DNAH14: variants seen among roughly 807,000 people sequenced by gnomAD.
The protein encoded by DNAH14 is axonemal beta dynein heavy chain 14.
A neutral mutation model predicts 520.9 loss-of-function variants in DNAH14; 478 were observed. That is an observed-to-expected ratio of 0.92 (90% CI 0.85 to 0.99). DNAH14 has a LOEUF of 0.99. Among genes scored for constraint, DNAH14 ranks in the 50% least tolerant of loss-of-function variants. The pLI is 0.00. For synonymous variants in DNAH14, 1,581 were observed against 1,757.2 expected (o/e 0.90, Z 2.51); for missense variants, 4,831 against 5,234.5 (o/e 0.92, Z 2.38).
In DNAH14 at chr1:225,346,124, A is replaced by G. The variant is rs1416451343; in HGVS notation, c.10841A>G (p.Tyr3614Cys). Residue 3614 changes from tyrosine to cysteine, a missense_variant, in exon 70 of 86, where the codon TAC becomes TGC. Tyr to Cys is a radical substitution (Grantham distance 194). Coordinates refer to ENST00000682510, the MANE Select transcript of DNAH14 (RefSeq NM_001367479.1). ...ATTGCGACCCGAGGCGCCCTGCTCT[A>G]CTTCCTAGTAGCTGATCTCACACAA... ...LPIATRGALLYFLVADLTQIN... is the reference protein window; with the variant it reads ...LPIATRGALLCFLVADLTQIN... The G allele has an allele frequency of 2.6e-6, 4 of 1,551,602 alleles. No homozygotes were observed. The African/African-American group carries it at 4.1e-5, about 16-fold the overall frequency.
chr1:225,289,177 A>G (rs1425745664), intron 54 of DNAH14, among the ~76,000 whole-genome samples: 2 of 152,190 alleles, frequency 1.3e-5, no homozygotes, highest in Non-Finnish European at 2.9e-5. Context: ...TATGCTAAGT[A>G]AAATAAATCA....
intron 12 of DNAH14, among the ~76,000 whole-genome samples, chr1:225,042,538 T>C (rs932900033): frequency 6.6e-6 from 1 of 152,154 alleles, no homozygotes; most frequent in African/African-American, 2.4e-5. Flanking sequence ...TCAATATCTC[T>C]GGGGATAGGA....
At chr1:224,954,701 C>G (rs2060398364) in intron 2 of DNAH14, 1 of 249,430 alleles carries the variant, frequency 4.0e-6, no homozygotes. Flanking sequence ...TAAAATTTAA[C>G]TAGACTCTCC....
At chr1:225,109,993 T>C (rs991018933) in intron 23 of DNAH14, among the ~76,000 whole-genome samples, 2 of 152,222 alleles carry the variant, frequency 1.3e-5, no homozygotes, top group Admixed American at 1.3e-4. Flanking sequence ...ACTGATTTAT[T>C]TGCATATTTT....
intron 36 of DNAH14, among the ~76,000 whole-genome samples, chr1:225,169,619 A>G (rs895320699): frequency 1.3e-5 from 2 of 152,232 alleles, no homozygotes; most frequent in African/African-American, 4.8e-5. Flanking sequence ...ATATGGGACT[A>G]TGTGAAAAGA....
At chr1:225,044,810 G>A (rs1434886397) in intron 15 of DNAH14, among the ~76,000 whole-genome samples, 1 of 152,068 alleles carries the variant, frequency 6.6e-6, no homozygotes, top group African/African-American at 2.4e-5. Context: ...TTTGGTAAGG[G>A]TTTCTTGCTG....
In DNAH14 at chr1:224,929,695, A is replaced by G; in HGVS notation, c.-174A>G. 1.4e-6 allele frequency: 1 copy of G among 702,372 alleles called. No homozygotes were observed. The highest frequency in any genetic ancestry group is 2.6e-6 in the Non-Finnish European group (1 of 384,850). 43.5% of individuals were successfully genotyped at this position (702,372 alleles called of 1,614,324 possible). On this transcript the variant is annotated 5_prime_UTR_variant, in exon 1 of 86. Coordinates refer to ENST00000682510, the MANE Select transcript of DNAH14 (RefSeq NM_001367479.1). ...TCTTGGTCAGGCGGTTACGGCCAGGAGGCGTCGGAGCCTGGCGTGGTAGGG... is the reference window on the plus strand; with the variant it reads ...TCTTGGTCAGGCGGTTACGGCCAGGGGGCGTCGGAGCCTGGCGTGGTAGGG...
intron 41 of DNAH14, among the ~76,000 whole-genome samples, chr1:225,214,309 C>T (rs888139214): frequency 1.3e-5 from 2 of 152,148 alleles, no homozygotes; most frequent in Admixed American, 1.3e-4. Context: ...ATTCGGTTTG[C>T]CAGTATTTTA....
At chr1:225,337,012 C>A (rs2095071254) in intron 66 of DNAH14, among the ~76,000 whole-genome samples, 1 of 152,072 alleles carries the variant, frequency 6.6e-6, no homozygotes, top group Non-Finnish European at 1.5e-5. Context: ...TCCTTTGTGT[C>A]CCCTATGGCA....
chr1:225,185,781 T>G (rs958734613), intron 37 of DNAH14, among the ~76,000 whole-genome samples: 1 of 151,646 alleles, frequency 6.6e-6, no homozygotes, highest in Non-Finnish European at 1.5e-5. Context: ...CAAGTTAATT[T>G]TAATTAATTT....
intron 41 of DNAH14, among the ~76,000 whole-genome samples, chr1:225,218,569 CAT>C (rs1207284108): frequency 1.4e-4 from 21 of 151,574 alleles, no homozygotes; most frequent in African/African-American, 4.8e-4. Context: ...CAAAGAAGGG[CAT>C]TACATAATGG....
At chr1:224,961,667 C>G (rs2060853313) in intron 4 of DNAH14, among the ~76,000 whole-genome samples, 1 of 152,138 alleles carries the variant, frequency 6.6e-6, no homozygotes, top group African/African-American at 2.4e-5. Flanking sequence ...CTTACTCCAC[C>G]TGGTCCCACA....
intron 43 of DNAH14, among the ~76,000 whole-genome samples, chr1:225,250,457 T>C (rs1574293929): frequency 6.6e-6 from 1 of 152,354 alleles, no homozygotes; most frequent in East Asian, 1.9e-4. Context: ...TTTTTATATT[T>C]GTAAGGGATT....
rs1471000252 is a variant in DNAH14, at chr1:225,367,984, A to G, written c.12270A>G (p.Gly4090=). ...TAATCAATGAAAGAAAAAATTACGGAATATTGGGCTGGAATATTGCTTATA... is the reference window on the plus strand; with the variant it reads ...TAATCAATGAAAGAAAAAATTACGGGATATTGGGCTGGAATATTGCTTATA... ...NAVINERKNY[G]ILGWNIAYKF... Residue 4090 remains glycine (G), a synonymous_variant, in exon 77 of 86, where the codon GGA becomes GGG. Coordinates refer to ENST00000682510, the MANE Select transcript of DNAH14 (RefSeq NM_001367479.1). The G allele has an allele frequency of 6.4e-6, 10 of 1,550,974 alleles. No individual in the cohort carries two copies. Among genetic ancestry groups the G allele is most frequent in the African/African-American group, 1.4e-5 (1 of 73,018 alleles).
In DNAH14 at chr1:225,272,065, A is replaced by G. The variant is rs1204783045; in HGVS notation, c.7831A>G (p.Met2611Val). 2.6e-6 allele frequency: 4 copies of G among 1,548,636 alleles called. No homozygotes were observed. Among genetic ancestry groups the G allele is most frequent in the Non-Finnish European group, 3.5e-6 (4 of 1,146,066 alleles). Residue 2611 changes from methionine to valine, a missense_variant, in exon 51 of 86, where the codon ATG (methionine) becomes GTG (valine). By Grantham distance (21) the Met-to-Val change is conservative. Transcript: ENST00000682510. Reference sequence around the variant, plus strand: ...TCACTACATGTTTAATCTTCGAGATATGTTTAAGGTTTGTTTTAATGTTCA... The same window carrying G: ...TCACTACATGTTTAATCTTCGAGATGTGTTTAAGGTTTGTTTTAATGTTCA... ...KCHYMFNLRD[M>V]FKLLLGLLQA...
chr1:225,331,109 C>G lies in DNAH14; in HGVS notation c.9724-328C>G, dbSNP rs182124517. Among the ~76,000 whole-genome samples the G allele has an allele frequency of 7.8e-3, 1,193 of 152,066 alleles. 4 individuals are homozygous for G. The highest frequency in any genetic ancestry group is 0.023 in the South Asian group (110 of 4,814). On this transcript the variant is annotated intron_variant, in intron 64 of 85. Coordinates refer to ENST00000682510, the MANE Select transcript of DNAH14 (RefSeq NM_001367479.1). ...CATCTGAAGTGAAAAGAAGTTCAAC[C>G]ATTTTCTTAGAAAAAGAATCTAAAT...
intron 17 of DNAH14, among the ~76,000 whole-genome samples, chr1:225,071,282 T>C (rs1029068667): frequency 3.3e-5 from 5 of 152,220 alleles, no homozygotes; most frequent in Non-Finnish European, 5.9e-5. Context: ...GTGTCACTGG[T>C]CTGTGTACTT....
chr1:225,152,485 G>A (rs972223949), intron 32 of DNAH14, among the ~76,000 whole-genome samples: 1 of 152,074 alleles, frequency 6.6e-6, no homozygotes, highest in African/African-American at 2.4e-5. Context: ...ACTAATATGA[G>A]GTCAATTGTG....
intron 43 of DNAH14, chr1:225,250,612 A>G (rs779779378): frequency 2.9e-5 from 14 of 479,266 alleles, no homozygotes; most frequent in Non-Finnish European, 5.0e-5. Context: ...TGTTATACTC[A>G]CAGGTTCCTG....
Sources: gnomAD v4.1 joint callset for allele counts (sites outside exome capture counted in the v4.1 genomes callset) on GRCh38, gnomAD v4.1.1 for gene constraint, MANE v1.5 for transcripts, NCBI Gene and HGNC (gene_info 2026-07-23, HGNC 2026-07-21) for gene names.